The following CALHM1 variants were observed in gnomAD, a reference collection of about 807,000 sequenced individuals.
CALHM1 encodes calcium homeostasis modulator 1, also known as calcium homeostasis modulator protein 1.
In CALHM1, 11 loss-of-function variants were observed where a neutral mutation model predicts 14.8. The ratio of observed to expected loss-of-function variants is 0.74; its 90% CI spans 0.47 to 1.23. The LOEUF is 1.23. Among genes scored for constraint, CALHM1 ranks in the 50% most tolerant of loss-of-function variants. The probability of loss-of-function intolerance (pLI) is 0.00; values close to 1 mark genes in which losing one functional copy is unlikely to be tolerated. For missense variants in CALHM1, 458 were observed against 496.4 expected (o/e 0.92, Z 0.74); for synonymous variants, 215 against 218.9 (o/e 0.98, Z 0.16).
intron 1 of CALHM1, among the ~76,000 whole-genome samples, chr10:103,456,552 C>T (rs541770149): frequency 2.3e-4 from 35 of 152,372 alleles, no homozygotes; most frequent in East Asian, 1.9e-3. Context: ...AGGCCCCAGC[C>T]GCACAGAGAA....
rs765898547 is a variant in CALHM1 at position 103,455,549 on chromosome 10, C to T, written c.754G>A (p.Glu252Lys). Residue 252 changes from glutamate (E) to lysine (K), a missense_variant, in exon 2 of 2, where the codon GAG (glutamate) becomes AAG (lysine). Transcript: ENST00000329905. ...AGCTCCAGGTCATGGTTCATGGCCT[C>T]GAAGAACTGCTGGATGCAGACCTTG... The part of the protein sequence containing the change: ...FAKVCIQQFF[E>K]AMNHDLELGH... The T allele has an allele frequency of 1.6e-5, 26 of 1,613,952 alleles. 1 individual carries two copies. In the South Asian group the frequency reaches 1.9e-4, roughly 12 times the overall value.
At chr10:103,456,418 A>T (rs2033150936) in intron 1 of CALHM1, among the ~76,000 whole-genome samples, 1 of 152,228 alleles carries the variant, frequency 6.6e-6, no homozygotes, top group Non-Finnish European at 1.5e-5. Flanking sequence ...GGGGTCATAG[A>T]GGCGAATCAG....
At chr10:103,456,415 T>TA (rs1315949300) in intron 1 of CALHM1, among the ~76,000 whole-genome samples, 1 of 152,220 alleles carries the variant, frequency 6.6e-6, no homozygotes, top group Non-Finnish European at 1.5e-5. Flanking sequence ...TCAGGGGTCA[T>TA]AGAGGCGAAT....
chr10:103,455,585 T>G lies in CALHM1; in HGVS notation c.718A>C (p.Lys240Gln). Reference sequence around the variant, plus strand: ...TGGATGCAGACCTTGGCAAAGGCTTTGGCGTGCTCCGTGCACGTCTCGTCG... The same window carrying G: ...TGGATGCAGACCTTGGCAAAGGCTTGGGCGTGCTCCGTGCACGTCTCGTCG... ...LFDETCTEHA[K>Q]AFAKVCIQQF... Residue 240 changes from lysine (K) to glutamine (Q), a missense_variant, in exon 2 of 2, where the codon AAA becomes CAA. Transcript: ENST00000329905. 6.2e-7 allele frequency: 1 copy of G among 1,614,038 alleles called. No individual in the cohort carries two copies. The highest frequency in any genetic ancestry group is 8.5e-7 in the Non-Finnish European group (1 of 1,180,040).
At chr10:103,456,493 C>T (rs1257181712) in intron 1 of CALHM1, among the ~76,000 whole-genome samples, 1 of 152,264 alleles carries the variant, frequency 6.6e-6, no homozygotes, top group African/African-American at 2.4e-5. Flanking sequence ...TCTGTCACCT[C>T]ACTGCAGGGC....
In CALHM1 at chr10:103,454,173, A is replaced by G. The variant is rs1297705160; in HGVS notation, c.*1089T>C. ...CTGTGCTGGGTGCCTACTATGTGCC[A>G]TGTGCTTTTACACACAGCAACCCCA... On this transcript the variant is annotated 3_prime_UTR_variant, in exon 2 of 2. Coordinates refer to ENST00000329905, the MANE Select transcript of CALHM1 (RefSeq NM_001001412.4). The G allele has an allele frequency of 6.6e-6, 1 of 152,228 alleles. No individual in the cohort carries two copies. The highest frequency in any genetic ancestry group is 1.5e-5 in the Non-Finnish European group (1 of 68,056). 9.4% of individuals were successfully genotyped at this position (152,228 alleles called of 1,614,324 possible).
Position 103,454,706 on chromosome 10 carries a change from G to A in CALHM1, c.*556C>T, listed in dbSNP as rs1468263483. The A allele has an allele frequency of 6.5e-6, 1 of 154,536 alleles. No homozygotes were observed. Among genetic ancestry groups the A allele is most frequent in the African/African-American group, 2.4e-5 (1 of 41,470 alleles). The allele number at this position is 154,536 out of a possible 1,614,324, so 9.6% of individuals were successfully genotyped here. ...CTTCTGACATCTTGTCTCATCGCCTGTCACCCCAGGTGTGTCACACCAGGT... is the reference window on the plus strand; with the variant it reads ...CTTCTGACATCTTGTCTCATCGCCTATCACCCCAGGTGTGTCACACCAGGT... On this transcript the variant is annotated 3_prime_UTR_variant, in exon 2 of 2. Transcript: ENST00000329905.
chr10:103,456,111 C>T (rs1334270580), intron 1 of CALHM1, among the ~76,000 whole-genome samples: 1 of 152,190 alleles, frequency 6.6e-6, no homozygotes, highest in African/African-American at 2.4e-5. Context: ...GCCTCAGTTT[C>T]CACACCTATA....
chr10:103,455,572 T>C lies in CALHM1; in HGVS notation c.731A>G (p.Lys244Arg), dbSNP rs2033138753. ...CTCGAAGAACTGCTGGATGCAGACC[T>C]TGGCAAAGGCTTTGGCGTGCTCCGT... is the stretch of plus-strand genomic sequence containing the variant. The part of the protein sequence containing the change: ...TCTEHAKAFA[K>R]VCIQQFFEAM... The change falls in exon 2 of 2, where the codon AAG (lysine) becomes AGG (arginine). Residue 244 changes from lysine (K) to arginine (R), a missense_variant. Transcript: ENST00000329905. 1.9e-6 allele frequency: 3 copies of C among 1,613,936 alleles called. No homozygotes were observed. Among genetic ancestry groups the C allele is most frequent in the East Asian group, 2.2e-5 (1 of 44,896 alleles).
chr10:103,457,675 C>T (rs951782723), intron 1 of CALHM1, among the ~76,000 whole-genome samples: 1 of 152,182 alleles, frequency 6.6e-6, no homozygotes, highest in African/African-American at 2.4e-5. Context: ...CTGGCTGACC[C>T]GTCAGTGGTC....
chr10:103,456,253 C>T (rs1425251779), intron 1 of CALHM1, among the ~76,000 whole-genome samples: 2 of 152,200 alleles, frequency 1.3e-5, no homozygotes, highest in Non-Finnish European at 2.9e-5. Context: ...CCCTCACTTA[C>T]TTACTGTGCC....
At position 103,458,771 on chromosome 10, in the gene CALHM1, C is replaced by T. The variant is rs779968764; in HGVS notation, c.-20G>A. ...CATCATGCCCGCTGTGGGGCCCGGC[C>T]TCCTCTTCCCAACTCACTGCTGCCT... On this transcript the variant is annotated 5_prime_UTR_variant, in exon 1 of 2. Transcript: ENST00000329905. This position sits in a 1 kb window ranked among gnomAD's most constrained non-coding sequence, Gnocchi z 4.9. The T allele has an allele frequency of 8.2e-6, 13 of 1,579,326 alleles. No individual in the cohort carries two copies. The highest frequency in any genetic ancestry group is 6.9e-5 in the Admixed American group (4 of 58,310).
In CALHM1 at chr10:103,458,483, G is replaced by T. The variant is rs1460843397; in HGVS notation, c.269C>A (p.Ala90Asp). The change falls in exon 1 of 2, where the codon GCC (alanine) becomes GAC (aspartate). Residue 90 changes from alanine to aspartate, a missense_variant. Ala to Asp is a moderately radical substitution (Grantham distance 126). Coordinates refer to ENST00000329905, the MANE Select transcript of CALHM1 (RefSeq NM_001001412.4). The surrounding 1 kb of genome is among the most constrained non-coding windows in gnomAD (Gnocchi z 4.9). Reference sequence around the variant, plus strand: ...GTAGCGCAACACAGCGGGGTCCTTGGCCCGGCGGCCCAGCGGCCGCTTCCA... The same window carrying T: ...GTAGCGCAACACAGCGGGGTCCTTGTCCCGGCGGCCCAGCGGCCGCTTCCA... ...EEWKRPLGRR[A>D]KDPAVLRYMF... 6.2e-7 allele frequency: 1 copy of T among 1,612,914 alleles called. No homozygotes were observed. Among genetic ancestry groups the T allele is most frequent in the Non-Finnish European group, 8.5e-7 (1 of 1,179,850 alleles).
intron 1 of CALHM1, among the ~76,000 whole-genome samples, chr10:103,457,549 G>C (rs778432713): frequency 2.0e-5 from 3 of 152,234 alleles, no homozygotes; most frequent in Non-Finnish European, 2.9e-5. Context: ...AGGGCAGGCT[G>C]CCTGGGTGGT....
chr10:103,455,939 C>T lies in CALHM1; in HGVS notation c.556-192G>A, dbSNP rs549715753. On this transcript the variant is annotated intron_variant, in intron 1 of 1. Coordinates refer to ENST00000329905, the MANE Select transcript of CALHM1 (RefSeq NM_001001412.4). ...AATTGAAATAATGGAGATAGGTGCA[C>T]CTCATGGAAAGAAGATCACGTGGGT... Among the ~76,000 whole-genome samples the T allele has an allele frequency of 1.7e-4, 26 of 152,340 alleles. No homozygotes were observed. The East Asian group carries it at 3.5e-3, about 20-fold the overall frequency.
chr10:103,456,099 G>A (rs904668992), intron 1 of CALHM1, among the ~76,000 whole-genome samples: 2 of 152,210 alleles, frequency 1.3e-5, no homozygotes, highest in Non-Finnish European at 2.9e-5. Context: ...CAACTTCTCT[G>A]TGCCTCAGTT....
Position 103,455,646 on chromosome 10 carries a change from G to C in CALHM1, c.657C>G (p.Tyr219Ter). The change falls in exon 2 of 2, where the codon TAC (tyrosine) becomes TAG (stop). Residue 219 changes from tyrosine to a stop codon, truncating the protein, a stop_gained. Coordinates refer to ENST00000329905, the MANE Select transcript of CALHM1 (RefSeq NM_001001412.4). LOFTEE classifies it low-confidence loss of function (END_TRUNC). Reference protein sequence around the residue: ...FTQAAFLKSKYWSHYIDIERK... With the variant: ...FTQAAFLKSK Reference sequence around the variant, plus strand: ...GCTCGATGTCGATATAGTGGGACCAGTACTTGCTCTTGAGGAAGGCGGCCT... The same window carrying C: ...GCTCGATGTCGATATAGTGGGACCACTACTTGCTCTTGAGGAAGGCGGCCT... The C allele has an allele frequency of 6.2e-7, 1 of 1,613,760 alleles. No individual in the cohort carries two copies. Among genetic ancestry groups the C allele is most frequent in the Non-Finnish European group, 8.5e-7 (1 of 1,180,054 alleles).
chr10:103,457,869 C>T (rs937142097), intron 1 of CALHM1, among the ~76,000 whole-genome samples: 7 of 152,216 alleles, frequency 4.6e-5, no homozygotes, highest in East Asian at 3.9e-4. Context: ...TGCCGAGGCC[C>T]GGAAGAGGGA....
At position 103,455,457 on chromosome 10, in the gene CALHM1, A is replaced by C; in HGVS notation, c.846T>G (p.Gly282=). Residue 282 remains glycine, a synonymous_variant, in exon 2 of 2, where the codon GGT becomes GGG. Coordinates refer to ENST00000329905, the MANE Select transcript of CALHM1 (RefSeq NM_001001412.4). ...GCAGCTTCTCCCTTTCCTCCTCCGC[A>C]CCATCGGGGGTCGTGGGGGCAGCTG... ...ASAAAPTTPD[G]AEEEREKLRG... 6.2e-7 allele frequency: 1 copy of C among 1,613,712 alleles called. No homozygotes were observed.
Sources: gnomAD v4.1 joint callset for allele counts (sites outside exome capture counted in the v4.1 genomes callset) on GRCh38, gnomAD v4.1.1 for gene constraint, Gnocchi (gnomAD v3.1) non-coding constraint, MANE v1.5 for transcripts, NCBI Gene and HGNC (gene_info 2026-07-23, HGNC 2026-07-21) for gene names.